EPHA2: variants seen among roughly 807,000 people sequenced by gnomAD.
The protein encoded by EPHA2 is EPH receptor A2.
In EPHA2, 54 loss-of-function variants were observed where a neutral mutation model predicts 104.9. The ratio of observed to expected loss-of-function variants is 0.51; its 90% CI spans 0.41 to 0.65. The LOEUF is 0.65. Among genes scored for constraint, EPHA2 ranks in the 30% least tolerant of loss-of-function variants. EPHA2 has a pLI of 0.00. For synonymous variants in EPHA2, 560 were observed against 559.1 expected, an observed-to-expected ratio of 1.00 and a Z score of -0.02; for missense variants, 1,117 against 1,369.5, an observed-to-expected ratio of 0.82 and a Z score of 2.91.
At position 16,132,093 on chromosome 1, in the gene EPHA2, C is replaced by A. The variant is rs1454959039; in HGVS notation, c.2296G>T (p.Asp766Tyr). Residue 766 changes from aspartate (D) to tyrosine (Y), a missense_variant, in exon 13 of 17, where the codon GAC becomes TAC. Physicochemically the swap from Asp to Tyr is radical, Grantham distance 160. This residue lies in a region of EPHA2 where 340 missense variants were observed against 480.5 expected (regional missense o/e 0.71). Transcript: ENST00000358432. ...SDFGLSRVLE[D>Y]DPEATYTTSG... Reference sequence around the variant, plus strand: ...GTGGTGTAGGTGGCCTCGGGGTCGTCCTCCAGCACGCGGGACAGGCCAAAG... The same window carrying A: ...GTGGTGTAGGTGGCCTCGGGGTCGTACTCCAGCACGCGGGACAGGCCAAAG... The A allele has an allele frequency of 6.2e-7, 1 of 1,614,088 alleles. No individual in the cohort carries two copies. Among genetic ancestry groups the A allele is most frequent in the South Asian group, 1.1e-5 (1 of 91,084 alleles).
chr1:16,148,953 G>C lies in EPHA2; in HGVS notation c.248C>G (p.Thr83Ser). The C allele has an allele frequency of 6.2e-7, 1 of 1,614,148 alleles. No homozygotes were observed. Among genetic ancestry groups the C allele is most frequent in the Middle Eastern group, 1.6e-4 (1 of 6,062 alleles). The stretch of plus-strand genomic sequence containing the variant: ...AGCCTCTCCTCGGTACACCCAGTTG[G>C]TGCGGAGCCAGTTGTCCTGGTCGCC... ...MSGDQDNWLR[T>S]NWVYRGEAER... The change falls in exon 3 of 17, where the codon ACC becomes AGC. Residue 83 changes from threonine to serine, a missense_variant. By Grantham distance (58) the Thr-to-Ser change is moderately conservative. This residue lies in a region of EPHA2 where 664 missense variants were observed against 784.8 expected (regional missense o/e 0.85). Coordinates refer to ENST00000358432, the MANE Select transcript of EPHA2 (RefSeq NM_004431.5). This position sits in a 1 kb window ranked among gnomAD's most constrained non-coding sequence, Gnocchi z 4.9.
rs1469737834 is a variant in EPHA2 at position 16,125,969 on chromosome 1, T to G, written c.2826-649A>C. 1.3e-5 allele frequency among the ~76,000 whole-genome samples: 2 copies of G among 152,218 alleles called. No individual in the cohort carries two copies. The highest frequency in any genetic ancestry group is 2.9e-5 in the Non-Finnish European group (2 of 68,034). On this transcript the variant is annotated intron_variant, in intron 16 of 16. Transcript: ENST00000358432. This position sits in a 1 kb window ranked among gnomAD's most constrained non-coding sequence, Gnocchi z 4.9. ...CTTGAAGGGTTAAACTTTGCGAGTC[T>G]TCATGGGTGAGGCTTGCGGGTCACC...
chr1:16,134,360 A>G lies in EPHA2; in HGVS notation c.1682+108T>C. On this transcript the variant is annotated intron_variant, in intron 8 of 16. Coordinates refer to ENST00000358432, the MANE Select transcript of EPHA2 (RefSeq NM_004431.5). This position sits in a 1 kb window ranked among gnomAD's most constrained non-coding sequence, Gnocchi z 4.5. ...CGCACCATCCGGAGGCAGGGATTAGACTCGACTAGCATCCTGTGGGCCCCA... is the reference window on the plus strand; with the variant it reads ...CGCACCATCCGGAGGCAGGGATTAGGCTCGACTAGCATCCTGTGGGCCCCA... The G allele has an allele frequency of 8.3e-7, 1 of 1,205,092 alleles. No homozygotes were observed. The highest frequency in any genetic ancestry group is 2.5e-5 in the East Asian group (1 of 39,802). 74.6% of individuals were successfully genotyped at this position (1,205,092 alleles called of 1,614,324 possible). A position where few individuals can be genotyped will look rare whatever the true frequency, so the allele number is the denominator to read the frequency against.
intron 1 of EPHA2, 105 bp from the exon 2 acceptor site, chr1:16,151,068 G>T: frequency 9.1e-7 from 1 of 1,102,848 alleles, no homozygotes; most frequent in Non-Finnish European, 1.4e-6. Context: ...CTCAGACAGA[G>T]CGAGAGGGAC....
At chr1:16,152,861 C>A (rs1368275757) in intron 1 of EPHA2, among the ~76,000 whole-genome samples, 3 of 152,214 alleles carry the variant, frequency 2.0e-5, no homozygotes, top group Non-Finnish European at 2.9e-5. Context: ...GGAGCCCCCC[C>A]TGCAGGGGTT....
rs779277284 is a variant in EPHA2 at position 16,133,274 on chromosome 1, T to C, written c.1959A>G (p.Thr653=). Residue 653 remains threonine (T), a synonymous_variant, in exon 11 of 17, where the codon ACA becomes ACG. Transcript: ENST00000358432. ...VAIKTLKAGY[T]EKQRVDFLGE... ...CGAGGAAGTCCACTCGCTGCTTCTC[T>C]GTGTAGCCGGCTTTCAGCGTCTTGA... 5.6e-6 allele frequency: 9 copies of C among 1,613,730 alleles called. No homozygotes were observed. Among genetic ancestry groups the C allele is most frequent in the Non-Finnish European group, 2.5e-6 (3 of 1,179,932 alleles).
rs538382189 is a variant in EPHA2, at chr1:16,148,867, C to A, written c.334G>T (p.Ala112Ser). 2 of 1,614,168 alleles carry A rather than the reference C, an allele frequency of 1.2e-6. No homozygotes were observed. Among genetic ancestry groups the A allele is most frequent in the Non-Finnish European group, 1.7e-6 (2 of 1,180,052 alleles). The change falls in exon 3 of 17, where the codon GCC (alanine) becomes TCC (serine). Residue 112 changes from alanine (A) to serine (S), a missense_variant. Ala to Ser is a moderately conservative substitution (Grantham distance 99). Coordinates refer to ENST00000358432, the MANE Select transcript of EPHA2 (RefSeq NM_004431.5). This position sits in a 1 kb window ranked among gnomAD's most constrained non-coding sequence, Gnocchi z 4.9. ...VRDCNSFPGG[A>S]SSCKETFNLY... ...TTGAAAGTCTCCTTGCAGGAGCTGG[C>A]GCCACCAGGGAAGCTGTTGCAGTCA...
In EPHA2 at chr1:16,134,927, C is replaced by A; in HGVS notation, c.1582+109G>T. 6.5e-7 allele frequency: 1 copy of A among 1,541,446 alleles called. No individual in the cohort carries two copies. The highest frequency in any genetic ancestry group is 1.2e-5 in the South Asian group (1 of 84,456). ...AAGGGCTGTCCCAGGCCGCCGGTGA[C>A]CGAGAAAGGGGCATTTCTAAGTTAT... is the stretch of plus-strand genomic sequence containing the variant. On this transcript the variant is annotated intron_variant, in intron 7 of 16. Transcript: ENST00000358432. The surrounding 1 kb of genome is among the most constrained non-coding windows in gnomAD (Gnocchi z 4.5).
intron 9 of EPHA2, 34 bp from the exon 10 acceptor site, chr1:16,133,640 CAGGAGGGGCCCCATGGGGGGTGCTCTGG>C (rs766808050): frequency 1.2e-6 from 2 of 1,612,934 alleles, no homozygotes; most frequent in Non-Finnish European, 1.7e-6. Context: ...ACAGGCAGCT[CAGGAGGGGCCCCATGGGGGGTGCTCTGG>C]AGTCAGAGGA....
At position 16,133,376 on chromosome 1, in the gene EPHA2, C is replaced by T. The variant is rs2124206259; in HGVS notation, c.1865-8G>A. The T allele has an allele frequency of 6.2e-7, 1 of 1,613,890 alleles. No individual in the cohort carries two copies. Among genetic ancestry groups the T allele is most frequent in the Non-Finnish European group, 8.5e-7 (1 of 1,179,976 alleles). On this transcript the variant is annotated splice_polypyrimidine_tract_variant and splice_region_variant and intron_variant, in intron 10 of 16. Transcript: ENST00000358432. ...ACACCTCCCCAAACTCTCCTGTGGG[C>T]AGACAGGGTCAGGGGAGTGCCCTGG...
chr1:16,149,894 T>G (rs912392687), intron 2 of EPHA2, among the ~76,000 whole-genome samples: 4 of 151,996 alleles, frequency 2.6e-5, no homozygotes, highest in African/African-American at 4.8e-5. Flanking sequence ...AAGCGTTTGT[T>G]GAATGAATAA....
Position 16,124,988 on chromosome 1 carries a change from G to A in EPHA2, c.*227C>T, listed in dbSNP as rs570719791. 15 of 573,446 alleles carry A rather than the reference G, an allele frequency of 2.6e-5. No homozygotes were observed. Among genetic ancestry groups the A allele is most frequent in the Middle Eastern group, 4.6e-4 (1 of 2,160 alleles). 35.5% of individuals were successfully genotyped at this position (573,446 alleles called of 1,614,324 possible). A position where few individuals can be genotyped will look rare whatever the true frequency, so the allele number is the denominator to read the frequency against. ...GCTGGGACGTGGCGGTGCCTGCTAA[G>A]TGCTCAGCTGTGTGCGTCTCGCAGG... On this transcript the variant is annotated 3_prime_UTR_variant, in exon 17 of 17. Transcript: ENST00000358432.
In EPHA2 at chr1:16,130,493, G is replaced by C. The variant is rs2024553132; in HGVS notation, c.2476-74C>G. The C allele has an allele frequency of 3.5e-6, 5 of 1,425,162 alleles. No homozygotes were observed. The highest frequency in any genetic ancestry group is 4.7e-6 in the Non-Finnish European group (5 of 1,067,918). 88.3% of individuals were successfully genotyped at this position (1,425,162 alleles called of 1,614,324 possible). ...CCCTCTGCAGCCTCCAGCCTATGGA[G>C]GTGGGCAGGGGAGGGGAGGGGAACA... On this transcript the variant is annotated intron_variant, in intron 14 of 16. Transcript: ENST00000358432. This position sits in a 1 kb window ranked among gnomAD's most constrained non-coding sequence, Gnocchi z 4.5.
Position 16,133,536 on chromosome 1 carries a change from C to T in EPHA2, c.1809G>A (p.Lys603=). The T allele has an allele frequency of 1.2e-6, 2 of 1,614,160 alleles. No homozygotes were observed. Among genetic ancestry groups the T allele is most frequent in the African/African-American group, 2.7e-5 (2 of 75,054 alleles). The change falls in exon 10 of 17, where the codon AAG becomes AAA. Residue 603 remains lysine (K), a synonymous_variant. Transcript: ENST00000358432. ...TYEDPNQAVL[K]FTTEIHPSCV... is the part of the protein sequence containing the mutation. ...AGGATGGATGGATCTCGGTAGTGAA[C>T]TTCAACACAGCCTGGTTGGGGTCCT...
chr1:16,140,231 C>A (rs948205383), intron 3 of EPHA2, among the ~76,000 whole-genome samples: 4 of 152,200 alleles, frequency 2.6e-5, no homozygotes, highest in African/African-American at 9.7e-5. Flanking sequence ...CACAAACAGC[C>A]GCTCTCACCC....
At chr1:16,138,720 C>A (rs540018439) in intron 3 of EPHA2, among the ~76,000 whole-genome samples, 1 of 152,330 alleles carries the variant, frequency 6.6e-6, no homozygotes, top group African/African-American at 2.4e-5. Context: ...CATTCAAGGC[C>A]ATACCTCGCC....
rs1189444584 is a variant in EPHA2, at chr1:16,135,498, G to A, written c.1428+157C>T. 1 of 782,402 alleles carries A rather than the reference G, an allele frequency of 1.3e-6. No homozygotes were observed. Among genetic ancestry groups the A allele is most frequent in the East Asian group, 2.7e-5 (1 of 37,710 alleles). 48.5% of individuals were successfully genotyped at this position (782,402 alleles called of 1,614,324 possible). On this transcript the variant is annotated intron_variant, in intron 6 of 16. Transcript: ENST00000358432. This position sits in a 1 kb window ranked among gnomAD's most constrained non-coding sequence, Gnocchi z 4.3. ...GTACAAATCTCTGCTGTGCTGCCTTGGGAGATGTAACCCCCTGGCAGACCC... is the reference window on the plus strand; with the variant it reads ...GTACAAATCTCTGCTGTGCTGCCTTAGGAGATGTAACCCCCTGGCAGACCC...
At chr1:16,144,146 G>A (rs891342209) in intron 3 of EPHA2, among the ~76,000 whole-genome samples, 1 of 152,118 alleles carries the variant, frequency 6.6e-6, no homozygotes, top group Non-Finnish European at 1.5e-5. Context: ...AGGAGGGAGA[G>A]AGGGAGGGAG....
At chr1:16,151,570 G>C (rs922465089) in intron 1 of EPHA2, among the ~76,000 whole-genome samples, 3 of 152,190 alleles carry the variant, frequency 2.0e-5, no homozygotes, top group African/African-American at 7.2e-5. Flanking sequence ...GGGTGGAGGA[G>C]GGAAGAGGGT....
Sources: gnomAD v4.1 joint callset for allele counts (sites outside exome capture counted in the v4.1 genomes callset) on GRCh38, gnomAD v4.1.1 for gene constraint, gnomAD v4.1.1 regional missense constraint, Gnocchi (gnomAD v3.1) non-coding constraint, MANE v1.5 for transcripts, NCBI Gene and HGNC (gene_info 2026-07-23, HGNC 2026-07-21) for gene names.